Variants in KIAA1217 observed in about 807,000 individuals in gnomAD.
KIAA1217 encodes the protein KIAA1217.
A neutral mutation model predicts 163.9 loss-of-function variants in KIAA1217; 88 were observed. That is an observed-to-expected ratio of 0.54 (90% confidence interval 0.45 to 0.64). KIAA1217 has a LOEUF of 0.64. KIAA1217 is among the 30% of genes least tolerant of loss of function. KIAA1217 has a pLI of 0.00. For synonymous variants in KIAA1217, 903 were observed against 923.1 expected, an observed-to-expected ratio of 0.98 and a Z score of 0.39; for missense variants, 2,372 against 2,475.0, an observed-to-expected ratio of 0.96 and a Z score of 0.88.
At chr10:23,989,788 C>T (rs1180584825) in intron 1 of KIAA1217, among the ~76,000 whole-genome samples, 1 of 152,114 alleles carries the variant, frequency 6.6e-6, no homozygotes, top group African/African-American at 2.4e-5. Context: ...GTTTACATCC[C>T]CTTAGTTCTA....
intron 1 of KIAA1217, among the ~76,000 whole-genome samples, chr10:23,967,774 A>T (rs1845127754): frequency 6.6e-6 from 1 of 152,094 alleles, no homozygotes; most frequent in South Asian, 2.1e-4. Flanking sequence ...CTGCTTATTG[A>T]TATTGTTTAG....
chr10:24,367,732 C>A (rs1428451817), intron 2 of KIAA1217, among the ~76,000 whole-genome samples: 1 of 152,188 alleles, frequency 6.6e-6, no homozygotes, highest in Admixed American at 6.5e-5. Context: ...AAACACATTT[C>A]TTTAGAACTT....
At chr10:24,014,103 A>C (rs557288368) in intron 2 of KIAA1217, among the ~76,000 whole-genome samples, 1 of 152,148 alleles carries the variant, frequency 6.6e-6, no homozygotes, top group Non-Finnish European at 1.5e-5. Flanking sequence ...TTTAATGTAA[A>C]TTGAGCCTGT....
Position 23,873,280 on chromosome 10 carries a change from T to A in KIAA1217, c.-320-133945T>A, listed in dbSNP as rs180899864. ...CCATGTTCTCAAGAACAAAATCAAATTATGTTTGGTATATCCTTTAAAAAG... is the reference window on the plus strand; with the variant it reads ...CCATGTTCTCAAGAACAAAATCAAAATATGTTTGGTATATCCTTTAAAAAG... On this transcript the variant is annotated intron_variant, in intron 1 of 18. Transcript: ENST00000376462. 1.4e-3 allele frequency among the ~76,000 whole-genome samples: 216 copies of A among 152,166 alleles called. 2 individuals are homozygous for A. Among genetic ancestry groups the A allele is most frequent in the Non-Finnish European group, 1.2e-3 (84 of 67,968 alleles).
At chr10:23,790,400 C>CATATACATATGT (rs1241431593) in intron 1 of KIAA1217, among the ~76,000 whole-genome samples, 9 of 98,430 alleles carry the variant, frequency 9.1e-5, no homozygotes, top group Non-Finnish European at 1.6e-4. Context: ...TGTATATATA[C>CATATACATATGT]ATATATACAT....
chr10:24,265,280 C>G (rs1041656176), intron 2 of KIAA1217, among the ~76,000 whole-genome samples: 7 of 152,156 alleles, frequency 4.6e-5, no homozygotes, highest in African/African-American at 7.2e-5. Context: ...GGTTTCAGAT[C>G]CACAGACATT....
At chr10:24,139,905 T>G (rs2063984691) in intron 2 of KIAA1217, among the ~76,000 whole-genome samples, 1 of 152,170 alleles carries the variant, frequency 6.6e-6, no homozygotes, top group African/African-American at 2.4e-5. Context: ...AAGTGATTGA[T>G]AACAATAACT....
chr10:24,537,728 T>C (rs575315160), intron 17 of KIAA1217, among the ~76,000 whole-genome samples: 3 of 152,312 alleles, frequency 2.0e-5, no homozygotes, highest in African/African-American at 7.2e-5. Flanking sequence ...TTTTGCTAAG[T>C]ATTATCCATT....
At chr10:24,517,492 C>T (rs1010373937) in intron 10 of KIAA1217, among the ~76,000 whole-genome samples, 3 of 152,130 alleles carry the variant, frequency 2.0e-5, no homozygotes, top group Non-Finnish European at 2.9e-5. Context: ...TTAAAAAGAG[C>T]TTATTTTTTA....
intron 2 of KIAA1217, among the ~76,000 whole-genome samples, chr10:24,249,698 C>G (rs2074254440): frequency 6.6e-6 from 1 of 152,174 alleles, no homozygotes; most frequent in Non-Finnish European, 1.5e-5. Flanking sequence ...CTTACTATAT[C>G]TCAGAAACTT....
intron 2 of KIAA1217, among the ~76,000 whole-genome samples, chr10:24,220,754 C>A (rs77691571): frequency 1.5e-4 from 11 of 74,218 alleles, no homozygotes; most frequent in Admixed American, 9.2e-4. Flanking sequence ...GCACCCCGGC[C>A]TTTTTTTTTT....
rs7081709 is a variant in KIAA1217, at chr10:24,209,180, G to T, written c.-14G>T. On this transcript the variant is annotated 5_prime_UTR_variant, in exon 1 of 21. Transcript: ENST00000376454. ...TTTCCAGAGAGCGAGGAGCTTTTGC[G>T]GCAGGCAGAGACAATGGAAGAAAAT... The T allele has an allele frequency of 7.4e-6, 12 of 1,613,204 alleles. No individual in the cohort carries two copies. Among genetic ancestry groups the T allele is most frequent in the African/African-American group, 4.0e-5 (3 of 74,834 alleles).
At chr10:23,804,135 C>T (rs753269510) in intron 1 of KIAA1217, among the ~76,000 whole-genome samples, 1 of 152,172 alleles carries the variant, frequency 6.6e-6, no homozygotes, top group African/African-American at 2.4e-5. Flanking sequence ...AGGCCTCCAT[C>T]TAGATCATGT....
chr10:24,421,458 G>A (rs1394242536), intron 3 of KIAA1217, among the ~76,000 whole-genome samples: 1 of 152,094 alleles, frequency 6.6e-6, no homozygotes, highest in Non-Finnish European at 1.5e-5. Context: ...TATTGTCTAT[G>A]AACAAGTACC....
In KIAA1217 at chr10:24,081,850, A is replaced by G. The variant is rs961827098; in HGVS notation, c.-171+74476A>G. 6.6e-5 allele frequency among the ~76,000 whole-genome samples: 10 copies of G among 152,196 alleles called. 2 individuals are homozygous for G. Among genetic ancestry groups the G allele is most frequent in the Admixed American group, 6.5e-4 (10 of 15,284 alleles). On this transcript the variant is annotated intron_variant, in intron 2 of 18. Transcript: ENST00000376462. ...CTTGGTCTAAAAGGACAGAGCAAGA[A>G]AACTAAGGCAGGTTTTTAGAATGAG... is the stretch of plus-strand genomic sequence containing the variant.
At chr10:24,532,128 A>G (rs559227942) in intron 15 of KIAA1217, 135 bp downstream of exon 15, 1 of 724,818 alleles carries the variant, frequency 1.4e-6, no homozygotes, top group South Asian at 5.5e-5. Context: ...CCCAGGAAGC[A>G]CCACAGATGG....
chr10:23,798,373 G>A (rs935559369), intron 1 of KIAA1217, among the ~76,000 whole-genome samples: 3 of 152,206 alleles, frequency 2.0e-5, no homozygotes, highest in African/African-American at 7.2e-5. Context: ...AAAGGACCAT[G>A]TATAGGTGTC....
intron 2 of KIAA1217, among the ~76,000 whole-genome samples, chr10:24,190,904 T>A (rs2130464226): frequency 6.7e-6 from 1 of 149,194 alleles, no homozygotes; most frequent in South Asian, 2.2e-4. Context: ...TAAAAAAAAA[T>A]GATCAGAGGC....
chr10:24,352,829 G>T (rs1284917583), intron 2 of KIAA1217, among the ~76,000 whole-genome samples: 1 of 152,060 alleles, frequency 6.6e-6, no homozygotes, highest in Non-Finnish European at 1.5e-5. Flanking sequence ...GAAAATATGA[G>T]TGACCTCGAC....
Sources: gnomAD v4.1 joint callset for allele counts (sites outside exome capture counted in the v4.1 genomes callset) on GRCh38, gnomAD v4.1.1 for gene constraint, MANE v1.5 for transcripts, NCBI Gene and HGNC (gene_info 2026-07-23, HGNC 2026-07-21) for gene names.